The following ADRA1B variants were observed in gnomAD, a reference collection of about 807,000 sequenced individuals.
The protein encoded by ADRA1B is adrenoceptor alpha 1B, also known as alpha-1B adrenergic receptor.
In ADRA1B, 17 loss-of-function variants were observed where a neutral mutation model predicts 17.9. The ratio of observed to expected loss-of-function variants is 0.95; its 90% CI spans 0.65 to 1.42. The LOEUF is 1.42. Ranked by LOEUF, ADRA1B falls within the 40% of genes most tolerant of loss-of-function variation. The pLI is 0.00. For missense variants in ADRA1B, 681 were observed against 722.1 expected (o/e 0.94, Z 0.65); for synonymous variants, 366 against 327.6 (o/e 1.12, Z -1.27).
intron 1 of ADRA1B, among the ~76,000 whole-genome samples, chr5:159,942,158 G>A (rs1453375492): frequency 1.3e-5 from 2 of 152,006 alleles, no homozygotes; most frequent in Non-Finnish European, 2.9e-5. Flanking sequence ...TCCTGACCTC[G>A]TGATCCGCCC....
At chr5:159,918,362 G>A (rs889186226) in intron 1 of ADRA1B, among the ~76,000 whole-genome samples, 2 of 152,198 alleles carry the variant, frequency 1.3e-5, no homozygotes, top group Admixed American at 6.5e-5. Flanking sequence ...GCTTTGCAGA[G>A]GCTGCATTCT....
chr5:159,915,509 T>C (rs1018429302), upstream of ADRA1B, among the ~76,000 whole-genome samples: 1 of 152,126 alleles, frequency 6.6e-6, no homozygotes, highest in Non-Finnish European at 1.5e-5. Flanking sequence ...CCTTTGGGAG[T>C]GCGTCCCTGT....
At chr5:159,958,853 C>T (rs764911593) in intron 1 of ADRA1B, among the ~76,000 whole-genome samples, 1 of 152,200 alleles carries the variant, frequency 6.6e-6, no homozygotes, top group South Asian at 2.1e-4. Flanking sequence ...TAAAAGTGTT[C>T]TGCAGGGAAA....
upstream of ADRA1B, among the ~76,000 whole-genome samples, chr5:159,915,615 C>G (rs951469437): frequency 1.3e-5 from 2 of 152,168 alleles, no homozygotes; most frequent in African/African-American, 4.8e-5. Context: ...TGACCTCCCT[C>G]ACCCCCACTC....
intron 1 of ADRA1B, among the ~76,000 whole-genome samples, chr5:159,929,452 A>ATTT (rs113859197): frequency 7.1e-6 from 1 of 140,246 alleles, no homozygotes; most frequent in Non-Finnish European, 1.6e-5. Flanking sequence ...TGGTTTTTGT[A>ATTT]TTTTTTTTTT....
chr5:159,875,168 G>T (rs1446599199), intron 1 of ADRA1B, among the ~76,000 whole-genome samples: 1 of 152,130 alleles, frequency 6.6e-6, no homozygotes, highest in African/African-American at 2.4e-5. Flanking sequence ...TCATGGTGGA[G>T]AAAACAACAG....
At chr5:159,951,902 A>G (rs1284185296) in intron 1 of ADRA1B, among the ~76,000 whole-genome samples, 1 of 152,152 alleles carries the variant, frequency 6.6e-6, no homozygotes, top group Non-Finnish European at 1.5e-5. Context: ...TCCACAGATC[A>G]TGGAAGGATT....
chr5:159,903,552 C>G (rs533182167), intron 1 of ADRA1B, among the ~76,000 whole-genome samples: 2 of 152,206 alleles, frequency 1.3e-5, no homozygotes, highest in Non-Finnish European at 2.9e-5. Context: ...GTGACTTGCT[C>G]AAAGTCCTTT....
intron 1 of ADRA1B, among the ~76,000 whole-genome samples, chr5:159,890,039 G>T (rs555072537): frequency 1.1e-4 from 16 of 152,166 alleles, no homozygotes; most frequent in Non-Finnish European, 2.1e-4. Context: ...CCAGCCTCCA[G>T]CATCCAGAGG....
chr5:159,950,716 A>G (rs13154044), intron 1 of ADRA1B: 76 of 681,136 alleles, frequency 1.1e-4, no homozygotes, highest in East Asian at 1.1e-3. Context: ...TGCTCACTTC[A>G]CCACCTTCTT....
At chr5:159,974,525 A>G (rs1755942741), downstream of ADRA1B, among the ~76,000 whole-genome samples, 1 of 151,836 alleles carries the variant, frequency 6.6e-6, no homozygotes, top group Admixed American at 6.6e-5. Flanking sequence ...AATCCCAGCT[A>G]TTCGGGAGGC....
At chr5:159,899,263 A>AAGGAAGG (rs1754070513) in intron 1 of ADRA1B, among the ~76,000 whole-genome samples, 1 of 106,412 alleles carries the variant, frequency 9.4e-6, no homozygotes, top group African/African-American at 3.8e-5. Context: ...AGGAAGGAAG[A>AAGGAAGG]AAGGAAGGAA....
intron 1 of ADRA1B, among the ~76,000 whole-genome samples, chr5:159,942,010 A>G (rs1055113380): frequency 4.0e-5 from 6 of 149,702 alleles, no homozygotes; most frequent in African/African-American, 1.5e-4. Flanking sequence ...GCAAGCTCCA[A>G]CTCCCAGGTT....
At chr5:159,975,437 C>G (rs1315056081), downstream of ADRA1B, among the ~76,000 whole-genome samples, 2 of 152,174 alleles carry the variant, frequency 1.3e-5, no homozygotes, top group Non-Finnish European at 2.9e-5. Context: ...CACAGCCCAC[C>G]AGGACACACA....
At chr5:159,985,881 C>T in the ADRA1B span, among the ~76,000 whole-genome samples, 2 of 152,208 alleles carry the variant, frequency 1.3e-5, no homozygotes, top group Non-Finnish European at 2.9e-5. Flanking sequence ...CCGTCTAGCC[C>T]TTGAGGCTTT....
chr5:159,891,903 C>T (rs1753987203), intron 1 of ADRA1B, among the ~76,000 whole-genome samples: 1 of 152,120 alleles, frequency 6.6e-6, no homozygotes, highest in Admixed American at 6.5e-5. Flanking sequence ...CTTGAGTTAT[C>T]AATGCTGAAA....
intron 1 of ADRA1B, chr5:159,955,202 G>C: frequency 1.0e-6 from 1 of 985,372 alleles, no homozygotes; most frequent in South Asian, 4.7e-5. Flanking sequence ...CTCTGTATTG[G>C]AGAAGTCCTG....
At chr5:159,897,877 G>A (rs1185076313) in intron 1 of ADRA1B, among the ~76,000 whole-genome samples, 1 of 152,184 alleles carries the variant, frequency 6.6e-6, no homozygotes, top group Non-Finnish European at 1.5e-5. Context: ...CTTATAAAAG[G>A]CCCGATGGCA....
chr5:159,917,339 T>C lies in ADRA1B; in HGVS notation c.434T>C (p.Ile145Thr). The C allele has an allele frequency of 6.2e-7, 1 of 1,614,050 alleles. No homozygotes were observed. The highest frequency in any genetic ancestry group is 8.5e-7 in the Non-Finnish European group (1 of 1,180,020). The change falls in exon 1 of 2, where the codon ATC (isoleucine) becomes ACC (threonine). Residue 145 changes from isoleucine to threonine, a missense_variant. Ile to Thr is a moderately conservative substitution (Grantham distance 89). Transcript: ENST00000306675. ...TGCGCCATCTCCATCGATCGCTACA[T>C]CGGGGTGCGCTACTCTCTGCAGTAT... ...SLCAISIDRYIGVRYSLQYPT... is the reference protein window; with the variant it reads ...SLCAISIDRYTGVRYSLQYPT...
Sources: gnomAD v4.1 joint callset for allele counts (sites outside exome capture counted in the v4.1 genomes callset) on GRCh38, gnomAD v4.1.1 for gene constraint, MANE v1.5 for transcripts, NCBI Gene and HGNC (gene_info 2026-07-23, HGNC 2026-07-21) for gene names.